NBEA: variants seen among roughly 807,000 people sequenced by gnomAD.
NBEA encodes the protein lysosomal-trafficking regulator 2.
In NBEA, 44 loss-of-function variants were observed where a neutral mutation model predicts 343.4. The observed-to-expected ratio is 0.13, with a 90% CI of 0.10 to 0.16. The LOEUF (loss-of-function observed/expected upper bound fraction) is 0.16. Among genes scored for constraint, NBEA ranks in the 10% least tolerant of loss-of-function variants. The pLI is 1.00. For synonymous variants in NBEA, 1,175 were observed against 1,238.7 expected, an observed-to-expected ratio of 0.95 and a Z score of 1.08; for missense variants, 2,555 against 3,631.3, an observed-to-expected ratio of 0.70 and a Z score of 7.62.
At position 35,524,460 on chromosome 13, in the gene NBEA, A is replaced by C. The variant is rs1332211641; in HGVS notation, c.6586-26017A>C. ...TTAGTAGAGTTTTCCATTAAGCTCC[A>C]CTGAACTGAGCCATTCTCAGCAAAA... On this transcript the variant is annotated intron_variant, in intron 41 of 58. Coordinates refer to ENST00000379939, the MANE Select transcript of NBEA (RefSeq NM_001385012.1). Among the ~76,000 whole-genome samples, 4 of 152,188 alleles carry C rather than the reference A, an allele frequency of 2.6e-5. No homozygotes were observed. In the East Asian group the frequency reaches 7.7e-4, roughly 29 times the overall value.
intron 38 of NBEA, among the ~76,000 whole-genome samples, chr13:35,355,360 A>G (rs1053008392): frequency 1.1e-4 from 17 of 151,568 alleles, no homozygotes; most frequent in African/African-American, 3.9e-4. Flanking sequence ...ATGCTTAGAA[A>G]CCTCCACAGC....
intron 41 of NBEA, among the ~76,000 whole-genome samples, chr13:35,489,570 A>G (rs2076429461): frequency 6.6e-6 from 1 of 151,956 alleles, no homozygotes; most frequent in South Asian, 2.1e-4. Flanking sequence ...TGATACAGCT[A>G]CTTTATGCTT....
chr13:35,348,625 G>T (rs1453312230), intron 36 of NBEA, among the ~76,000 whole-genome samples: 1 of 151,954 alleles, frequency 6.6e-6, no homozygotes, highest in Non-Finnish European at 1.5e-5. Context: ...ATTATTTAAA[G>T]TAAGAATCTA....
chr13:35,040,734 A>C (rs1337818869), intron 1 of NBEA, among the ~76,000 whole-genome samples, 199 bp from the exon 2 acceptor site: 1 of 152,068 alleles, frequency 6.6e-6, no homozygotes, highest in African/African-American at 2.4e-5. Flanking sequence ...TGTGAAAATT[A>C]GATTTCTGTT....
At chr13:35,444,751 C>T (rs1398971981) in intron 39 of NBEA, among the ~76,000 whole-genome samples, 1 of 151,844 alleles carries the variant, frequency 6.6e-6, no homozygotes, top group African/African-American at 2.4e-5. Context: ...AGTTCTTTTC[C>T]TTCAAATATC....
intron 45 of NBEA, among the ~76,000 whole-genome samples, chr13:35,571,085 C>G (rs2769321): frequency 0.94 from 143,556 of 152,230 alleles, 68,287 homozygotes; most frequent in East Asian, 1. Flanking sequence ...AACACTGGGA[C>G]TCCTGATCCC....
At chr13:35,584,177 A>G (rs891553230) in intron 46 of NBEA, 139 bp downstream of exon 46, 3 of 951,984 alleles carry the variant, frequency 3.2e-6, no homozygotes, top group Non-Finnish European at 4.9e-6. Context: ...ATTTCAAAGT[A>G]GCAAAATATG....
At chr13:35,350,491 A>G (rs1412707913) in intron 37 of NBEA, among the ~76,000 whole-genome samples, 1 of 151,986 alleles carries the variant, frequency 6.6e-6, no homozygotes, top group African/African-American at 2.4e-5. Context: ...CCCACCCGAC[A>G]CACACCAATT....
intron 1 of NBEA, among the ~76,000 whole-genome samples, chr13:35,019,606 T>C (rs1254373225): frequency 6.6e-6 from 1 of 152,176 alleles, no homozygotes; most frequent in Non-Finnish European, 1.5e-5. Flanking sequence ...TCACGAGTGA[T>C]TGATAGAATT....
intron 10 of NBEA, among the ~76,000 whole-genome samples, chr13:35,075,471 A>C (rs1178580857): frequency 1.3e-5 from 2 of 152,060 alleles, no homozygotes; most frequent in Admixed American, 6.6e-5. Flanking sequence ...AAGTATATGA[A>C]TATTTTTCTA....
chr13:35,196,029 A>G lies in NBEA; in HGVS notation c.5093A>G (p.Asp1698Gly), dbSNP rs767758474. The G allele has an allele frequency of 2.9e-5, 47 of 1,613,564 alleles. No homozygotes were observed. Among genetic ancestry groups the G allele is most frequent in the Non-Finnish European group, 8.5e-7 (1 of 1,179,744 alleles). Residue 1698 changes from aspartate to glycine, a missense_variant, in exon 31 of 59, where the codon GAT becomes GGT. Around this residue, in one of 21 missense-constraint regions of NBEA, gnomAD observed 270 missense variants for 293.3 expected, o/e 0.92. Coordinates refer to ENST00000379939, the MANE Select transcript of NBEA (RefSeq NM_001385012.1). ...GAELETSTGPDAMSELLSTLS... is the reference protein window; with the variant it reads ...GAELETSTGPGAMSELLSTLS... ...GAATTAGAAACAAGTACAGGCCCTG[A>G]TGCCATGAGTGAACTCTTATCCACT...
At chr13:35,124,618 A>G (rs1211255320) in intron 17 of NBEA, among the ~76,000 whole-genome samples, 5 of 145,720 alleles carry the variant, frequency 3.4e-5, no homozygotes, top group South Asian at 4.3e-4. Context: ...ACATACATAT[A>G]TATGGATATA....
intron 47 of NBEA, among the ~76,000 whole-genome samples, chr13:35,597,791 AC>A (rs2081875670): frequency 1.3e-5 from 2 of 152,272 alleles, no homozygotes; most frequent in South Asian, 4.1e-4. Context: ...CCCGGAAGTC[AC>A]ATCATGTTAC....
intron 55 of NBEA, among the ~76,000 whole-genome samples, chr13:35,657,271 C>A (rs1319784229): frequency 6.6e-6 from 1 of 152,206 alleles, no homozygotes; most frequent in Non-Finnish European, 1.5e-5. Context: ...TAGCATATGC[C>A]TCTTGGCATA....
rs2040039124 is a variant in NBEA, at chr13:35,349,090, A to C, written c.5904-18A>C. On this transcript the variant is annotated intron_variant, in intron 36 of 58. Transcript: ENST00000379939. ...AAGCTATTAAGAATAATATTTCTAA[A>C]GGTATTTTTCTTTTTAGATTACTGT... 7.2e-7 allele frequency: 1 copy of C among 1,396,838 alleles called. No homozygotes were observed. Among genetic ancestry groups the C allele is most frequent in the Non-Finnish European group, 9.8e-7 (1 of 1,023,426 alleles). 86.5% of individuals were successfully genotyped at this position (1,396,838 alleles called of 1,614,324 possible).
At chr13:35,211,297 C>A (rs535241515) in intron 33 of NBEA, 118 bp downstream of exon 33, 10 of 878,376 alleles carry the variant, frequency 1.1e-5, no homozygotes, top group Middle Eastern at 3.0e-4. Context: ...TTTGTGATTA[C>A]ATTTCACAAT....
At chr13:35,539,476 A>G (rs2078706970) in intron 41 of NBEA, among the ~76,000 whole-genome samples, 1 of 152,220 alleles carries the variant, frequency 6.6e-6, no homozygotes, top group Non-Finnish European at 1.5e-5. Flanking sequence ...ACTACTATTA[A>G]TAATAACATT....
intron 34 of NBEA, among the ~76,000 whole-genome samples, chr13:35,277,744 G>A (rs1426755236): frequency 8.7e-5 from 13 of 149,788 alleles, no homozygotes; most frequent in Admixed American, 8.7e-4. Flanking sequence ...AAGAAACCTA[G>A]ATTCTAGTCA....
chr13:35,408,003 A>G (rs145360120), intron 38 of NBEA, among the ~76,000 whole-genome samples: 3,816 of 152,280 alleles, frequency 0.025, 167 homozygotes, highest in African/African-American at 0.084. Flanking sequence ...CAGAACTAGA[A>G]AAAACTATTT....
Sources: gnomAD v4.1 joint callset for allele counts (sites outside exome capture counted in the v4.1 genomes callset) on GRCh38, gnomAD v4.1.1 for gene constraint, gnomAD v4.1.1 regional missense constraint, MANE v1.5 for transcripts, NCBI Gene and HGNC (gene_info 2026-07-23, HGNC 2026-07-21) for gene names.